The following HCFC2 variants were observed in gnomAD, a reference collection of about 807,000 sequenced individuals.
HCFC2 encodes the protein host cell factor 2.
A neutral mutation model predicts 89.2 loss-of-function variants in HCFC2; 18 were observed. The observed-to-expected ratio is 0.20, with a 90% CI of 0.14 to 0.30. The LOEUF is 0.30. Among genes scored for constraint, HCFC2 ranks in the 10% least tolerant of loss-of-function variants. The pLI is 1.00. For synonymous variants in HCFC2, 308 were observed against 335.7 expected, an observed-to-expected ratio of 0.92 and a Z score of 0.90; for missense variants, 578 against 956.1, an observed-to-expected ratio of 0.60 and a Z score of 5.21.
chr12:104,086,055 T>C, intron 7 of HCFC2, among the ~76,000 whole-genome samples: 1 of 148,196 alleles, frequency 6.7e-6, no homozygotes, highest in Non-Finnish European at 1.5e-5. Flanking sequence ...TGGAGTGCAG[T>C]GTTGCGACCT....
At position 104,064,591 on chromosome 12, in the gene HCFC2, C is replaced by A. The variant is rs1257797937; in HGVS notation, c.31C>A (p.Arg11=). ...GGCTCCCAGCCTCCTCAACTGGAGG[C>A]GAGTTTCTTCCTTCACGGGGCCGGT... MAAPSLLNWR[R]VSSFTGPVPR... The change falls in exon 1 of 15, where the codon CGA becomes AGA. Residue 11 remains arginine, a synonymous_variant. Transcript: ENST00000229330. This position sits in a 1 kb window ranked among gnomAD's most constrained non-coding sequence, Gnocchi z 7.3. The A allele has an allele frequency of 6.4e-7, 1 of 1,567,068 alleles. No homozygotes were observed.
At chr12:104,088,451 A>G (rs1430405934) in intron 9 of HCFC2, among the ~76,000 whole-genome samples, 2 of 152,132 alleles carry the variant, frequency 1.3e-5, no homozygotes, top group Non-Finnish European at 2.9e-5. Flanking sequence ...TGTATAAAAT[A>G]TTTTCTTTAC....
chr12:104,093,038 A>T (rs925660313), intron 9 of HCFC2, among the ~76,000 whole-genome samples: 2 of 152,160 alleles, frequency 1.3e-5, no homozygotes, highest in Non-Finnish European at 2.9e-5. Flanking sequence ...GCCCTTTAAG[A>T]AAATTTGACC....
At chr12:104,080,657 A>G in intron 4 of HCFC2, 89 bp from the exon 5 acceptor site, 1 of 713,636 alleles carries the variant, frequency 1.4e-6, no homozygotes, top group East Asian at 2.9e-5. Flanking sequence ...CATTTTGGTA[A>G]GTCCTTGTTT....
At chr12:104,082,307 C>T (rs1273354797) in intron 5 of HCFC2, among the ~76,000 whole-genome samples, 193 bp from the exon 6 acceptor site, 2 of 152,202 alleles carry the variant, frequency 1.3e-5, no homozygotes, top group Non-Finnish European at 2.9e-5. Context: ...TGTACTGCTT[C>T]ATAAAATTGT....
chr12:104,088,585 A>G (rs1883935929), intron 9 of HCFC2, among the ~76,000 whole-genome samples: 1 of 152,192 alleles, frequency 6.6e-6, no homozygotes, highest in African/African-American at 2.4e-5. Flanking sequence ...ACTAAGATTC[A>G]TTATTTTTAT....
At chr12:104,098,277 T>C (rs770173375) in intron 12 of HCFC2, 66 bp from the exon 13 acceptor site, 25 of 1,349,012 alleles carry the variant, frequency 1.9e-5, no homozygotes, top group Non-Finnish European at 2.2e-5. Context: ...CATGGACTTA[T>C]TAAATCTTGA....
At chr12:104,069,745 A>G (rs1883263468) in intron 3 of HCFC2, among the ~76,000 whole-genome samples, 1 of 151,640 alleles carries the variant, frequency 6.6e-6, no homozygotes, top group African/African-American at 2.4e-5. Context: ...GGTTTGTTAC[A>G]TAGGTATACA....
At chr12:104,083,297 T>C (rs747946692) in intron 7 of HCFC2, among the ~76,000 whole-genome samples, 2 of 152,154 alleles carry the variant, frequency 1.3e-5, no homozygotes, top group Non-Finnish European at 2.9e-5. Flanking sequence ...CTCGGTGGTA[T>C]TCCCAAATCC....
At chr12:104,087,578 A>G (rs1361912596) in intron 8 of HCFC2, among the ~76,000 whole-genome samples, 1 of 151,154 alleles carries the variant, frequency 6.6e-6, no homozygotes, top group African/African-American at 2.4e-5. Flanking sequence ...TGATAATTCA[A>G]ATACATTGTA....
At chr12:104,083,623 G>T (rs1426232622) in intron 7 of HCFC2, among the ~76,000 whole-genome samples, 6 of 152,096 alleles carry the variant, frequency 3.9e-5, no homozygotes. Context: ...TAATATTAGG[G>T]GAAGCTGGAG....
intron 2 of HCFC2, 67 bp from the exon 3 acceptor site, chr12:104,067,880 A>C: frequency 2.9e-6 from 4 of 1,396,108 alleles, no homozygotes; most frequent in East Asian, 2.5e-5. Context: ...ATGATGTTGC[A>C]CTATTGACAA....
At chr12:104,081,448 T>TTA (rs1358502339) in intron 5 of HCFC2, among the ~76,000 whole-genome samples, 1 of 152,196 alleles carries the variant, frequency 6.6e-6, no homozygotes, top group East Asian at 1.9e-4. Context: ...ATGTTGACTG[T>TTA]TACTACCATC....
At chr12:104,099,423 CAT>C (rs1169144438) in intron 13 of HCFC2, among the ~76,000 whole-genome samples, 1 of 152,010 alleles carries the variant, frequency 6.6e-6, no homozygotes, top group Admixed American at 6.6e-5. Context: ...GTATGGACTA[CAT>C]CACAAGCATG....
At chr12:104,088,742 T>A (rs1883940234) in intron 9 of HCFC2, among the ~76,000 whole-genome samples, 1 of 152,090 alleles carries the variant, frequency 6.6e-6, no homozygotes, top group Non-Finnish European at 1.5e-5. Context: ...CAGGAAGGGG[T>A]TATTACAAGT....
chr12:104,068,806 G>C lies in HCFC2; in HGVS notation c.473+699G>C, dbSNP rs557591412. On this transcript the variant is annotated intron_variant, in intron 3 of 14. Coordinates refer to ENST00000229330, the MANE Select transcript of HCFC2 (RefSeq NM_013320.3). The surrounding 1 kb of genome is among the most constrained non-coding windows in gnomAD (Gnocchi z 4.1). ...CCCTATTATAGCTAATGTTGGTTTT[G>C]TCTGCAAAGAATTCCTCTTTCCTTT... is the stretch of plus-strand genomic sequence containing the variant. Among the ~76,000 whole-genome samples, 88 of 151,374 alleles carry C rather than the reference G, an allele frequency of 5.8e-4. 1 individual carries two copies. The highest frequency in any genetic ancestry group is 9.1e-4 in the Non-Finnish European group (62 of 67,914).
At chr12:104,089,342 C>T (rs1883957340) in intron 9 of HCFC2, among the ~76,000 whole-genome samples, 1 of 151,994 alleles carries the variant, frequency 6.6e-6, no homozygotes, top group Non-Finnish European at 1.5e-5. Context: ...GAAACCCTGT[C>T]TCTCCTTAAA....
At chr12:104,101,711 ATTTCT>A (rs994402503) in intron 13 of HCFC2, among the ~76,000 whole-genome samples, 11 of 152,210 alleles carry the variant, frequency 7.2e-5, no homozygotes, top group African/African-American at 2.6e-4. Context: ...ATGCTCTTAC[ATTTCT>A]CTGTGTAATC....
intron 10 of HCFC2, among the ~76,000 whole-genome samples, chr12:104,093,776 AT>A (rs11411208): frequency 4.7e-5 from 7 of 147,464 alleles, no homozygotes; most frequent in Non-Finnish European, 6.0e-5. Context: ...AAATGAGGCA[AT>A]TTTTTTTTTT....
Sources: gnomAD v4.1 joint callset for allele counts (sites outside exome capture counted in the v4.1 genomes callset) on GRCh38, gnomAD v4.1.1 for gene constraint, Gnocchi (gnomAD v3.1) non-coding constraint, MANE v1.5 for transcripts, NCBI Gene and HGNC (gene_info 2026-07-23, HGNC 2026-07-21) for gene names.